C8orf34: variants seen among roughly 807,000 people sequenced by gnomAD.
C8orf34 encodes the protein chromosome 8 open reading frame 34.
C8orf34 carries 65 observed loss-of-function variants against 68.3 expected under a neutral mutation model. That is an observed-to-expected ratio of 0.95 (90% confidence interval 0.78 to 1.17). The LOEUF (loss-of-function observed/expected upper bound fraction) is 1.17. C8orf34 is among the 50% of genes most tolerant of loss of function. The pLI, the probability that C8orf34 is intolerant of heterozygous loss-of-function variation, is 0.00. For missense variants in C8orf34, 664 were observed against 655.4 expected (o/e 1.01, Z -0.14); for synonymous variants, 244 against 241.2 (o/e 1.01, Z -0.11).
intron 10 of C8orf34, among the ~76,000 whole-genome samples, chr8:68,771,067 CTGTAAACAATAT>C (rs1368088730): frequency 6.6e-6 from 1 of 152,044 alleles, no homozygotes; most frequent in Non-Finnish European, 1.5e-5. Context: ...TTCAAAAATA[CTGTAAACAATAT>C]GAAAAAGCAT....
rs567442030 is a variant in C8orf34, at chr8:68,409,472, A to T, written c.328-30027A>T. ...AATTTTAAAACATGAGAAATTAAAA[A>T]GTTTAAAAATAGAAGCTTATAGAAT... is the stretch of plus-strand genomic sequence containing the variant. On this transcript the variant is annotated intron_variant, in intron 1 of 13. Coordinates refer to ENST00000518698, the MANE Select transcript of C8orf34 (RefSeq NM_052958.4). 7.9e-4 allele frequency among the ~76,000 whole-genome samples: 121 copies of T among 152,330 alleles called. 1 individual carries two copies. Among genetic ancestry groups the T allele is most frequent in the African/African-American group, 2.8e-3 (116 of 41,584 alleles).
intron 5 of C8orf34, among the ~76,000 whole-genome samples, chr8:68,517,335 A>T (rs1364444073): frequency 6.6e-6 from 1 of 152,192 alleles, no homozygotes; most frequent in Non-Finnish European, 1.5e-5. Context: ...TTTTTCAGAA[A>T]TATATACATT....
At chr8:68,581,879 T>A (rs190859650) in intron 7 of C8orf34, among the ~76,000 whole-genome samples, 44 of 152,268 alleles carry the variant, frequency 2.9e-4, no homozygotes, top group African/African-American at 1.1e-3. Flanking sequence ...GAATTCTAGA[T>A]GCAAGAGAGT....
At chr8:68,412,825 A>G (rs892421456) in intron 1 of C8orf34, among the ~76,000 whole-genome samples, 7 of 151,794 alleles carry the variant, frequency 4.6e-5, no homozygotes, top group African/African-American at 1.2e-4. Context: ...CCCAACCCCA[A>G]CGACTTTTCG....
intron 7 of C8orf34, among the ~76,000 whole-genome samples, chr8:68,540,797 A>G (rs34350731): frequency 0.2 from 30,800 of 151,998 alleles, 4,162 homozygotes; most frequent in African/African-American, 0.39. Context: ...AGCCAAGATC[A>G]CGCCACTGCA....
chr8:68,609,743 T>C (rs1256881205), intron 7 of C8orf34, among the ~76,000 whole-genome samples: 1 of 152,180 alleles, frequency 6.6e-6, no homozygotes. Context: ...GCTGAAGTTC[T>C]CCATGTACCA....
intron 12 of C8orf34, among the ~76,000 whole-genome samples, chr8:68,811,214 C>G (rs1371337497): frequency 6.6e-6 from 1 of 152,196 alleles, no homozygotes; most frequent in Non-Finnish European, 1.5e-5. Flanking sequence ...TCAGCTCTGC[C>G]CCAAGTGCAT....
At chr8:68,348,880 A>G (rs915794038) in intron 1 of C8orf34, among the ~76,000 whole-genome samples, 2 of 151,722 alleles carry the variant, frequency 1.3e-5, no homozygotes, top group African/African-American at 4.8e-5. Context: ...AGATTATGGC[A>G]TTTTATAGAT....
chr8:68,461,130 A>C (rs940384582), intron 3 of C8orf34, among the ~76,000 whole-genome samples: 1 of 152,266 alleles, frequency 6.6e-6, no homozygotes, highest in African/African-American at 2.4e-5. Context: ...AGGCTGGAGA[A>C]CTACGTGAAG....
intron 13 of C8orf34, among the ~76,000 whole-genome samples, chr8:68,816,858 AAG>A (rs1286551578): frequency 6.6e-6 from 1 of 152,160 alleles, no homozygotes; most frequent in Non-Finnish European, 1.5e-5. Context: ...ATAACCAAAA[AAG>A]AGACTGATTA....
At chr8:68,526,671 A>G (rs1815003437) in intron 6 of C8orf34, among the ~76,000 whole-genome samples, 1 of 145,336 alleles carries the variant, frequency 6.9e-6, no homozygotes, top group African/African-American at 2.6e-5. Flanking sequence ...GCACCCTTTA[A>G]TTAATGACTG....
At chr8:68,685,126 T>C (rs961627545) in intron 8 of C8orf34, among the ~76,000 whole-genome samples, 1 of 152,150 alleles carries the variant, frequency 6.6e-6, no homozygotes, top group Non-Finnish European at 1.5e-5. Flanking sequence ...TCTTTCATAC[T>C]ACGGTAACAT....
At chr8:68,339,787 A>C (rs1805996679) in intron 1 of C8orf34, among the ~76,000 whole-genome samples, 2 of 152,064 alleles carry the variant, frequency 1.3e-5, no homozygotes, top group Admixed American at 1.3e-4. Flanking sequence ...AAAAATCAAT[A>C]AAATGGACTT....
At chr8:68,422,285 G>C (rs377202956) in intron 1 of C8orf34, among the ~76,000 whole-genome samples, 9 of 152,164 alleles carry the variant, frequency 5.9e-5, no homozygotes, top group African/African-American at 2.2e-4. Context: ...AAAATCAAAA[G>C]CAAGTTAGTT....
intron 7 of C8orf34, among the ~76,000 whole-genome samples, chr8:68,622,186 C>T (rs1312777101): frequency 6.6e-6 from 1 of 152,210 alleles, no homozygotes; most frequent in East Asian, 1.9e-4. Flanking sequence ...ACTTGTTTCA[C>T]ACAAGTGTGC....
chr8:68,716,096 A>G (rs1821464195), intron 9 of C8orf34, among the ~76,000 whole-genome samples: 1 of 151,908 alleles, frequency 6.6e-6, no homozygotes, highest in South Asian at 2.1e-4. Context: ...GTTCTCACTC[A>G]TATGTGGGAG....
intron 12 of C8orf34, among the ~76,000 whole-genome samples, chr8:68,796,822 C>CT (rs372049123): frequency 0.013 from 1,600 of 122,708 alleles, 22 homozygotes; most frequent in African/African-American, 0.033. Context: ...TTGAGTTCTT[C>CT]TTTTTTTTTT....
At chr8:68,348,176 A>G (rs746789176) in intron 1 of C8orf34, among the ~76,000 whole-genome samples, 2 of 152,054 alleles carry the variant, frequency 1.3e-5, no homozygotes, top group Non-Finnish European at 2.9e-5. Flanking sequence ...AATCATCTGT[A>G]TAGGGCTAGC....
chr8:68,790,710 T>C (rs1211895360), intron 12 of C8orf34: 7 of 462,998 alleles, frequency 1.5e-5, no homozygotes, highest in Non-Finnish European at 2.7e-5. Context: ...TGTTTCTTTC[T>C]AATCTCTCAG....
Sources: allele counts gnomAD v4.1 joint callset (sites outside exome capture counted in the v4.1 genomes callset), GRCh38; gene constraint gnomAD v4.1.1; transcripts MANE v1.5; gene names NCBI Gene and HGNC (gene_info 2026-07-23, HGNC 2026-07-21).